CRYBG1: variants seen among roughly 807,000 people sequenced by gnomAD.
CRYBG1 encodes crystallin beta-gamma domain containing 1.
CRYBG1 carries 139 observed loss-of-function variants against 189.2 expected under a neutral mutation model. The ratio of observed to expected loss-of-function variants is 0.73; its 90% CI spans 0.64 to 0.85. The LOEUF is 0.85. Among genes scored for constraint, CRYBG1 ranks in the 40% least tolerant of loss-of-function variants. The probability of loss-of-function intolerance (pLI) is 0.00; values close to 1 mark genes in which losing one functional copy is unlikely to be tolerated. For synonymous variants in CRYBG1, 1,023 were observed against 1,017.1 expected (o/e 1.01, Z -0.11); for missense variants, 2,611 against 2,675.8 (o/e 0.98, Z 0.53).
chr6:106,417,499 G>T (rs559426634), intron 1 of CRYBG1, among the ~76,000 whole-genome samples: 3 of 152,188 alleles, frequency 2.0e-5, no homozygotes, highest in Non-Finnish European at 4.4e-5. Context: ...GATTACCACC[G>T]TAGATATAAA....
At position 106,511,750 on chromosome 6, in the gene CRYBG1, G is replaced by C. The variant is rs952332634; in HGVS notation, c.633G>C (p.Leu211=). ...CCGCAGCCCCCCCTGACGCCGAGCT[G>C]TCACCTCGCTGGAGCAGCAGTGCAG... is the stretch of plus-strand genomic sequence containing the variant. ...GGPAAPPDAE[L]SPRWSSSAAA... is the part of the protein sequence containing the mutation. Residue 211 remains leucine, a synonymous_variant, in exon 3 of 22, where the codon CTG becomes CTC. Coordinates refer to ENST00000633556, the MANE Select transcript of CRYBG1 (RefSeq NM_001371242.2). The C allele has an allele frequency of 3.3e-6, 5 of 1,535,306 alleles. No homozygotes were observed. In the South Asian group the frequency reaches 6.0e-5, roughly 18 times the overall value.
intron 1 of CRYBG1, among the ~76,000 whole-genome samples, chr6:106,428,375 A>G (rs9399997): frequency 0.012 from 1,830 of 152,146 alleles, 36 homozygotes; most frequent in African/African-American, 0.041. Flanking sequence ...AATATCTGGT[A>G]TATTTTACTT....
At chr6:106,494,241 G>A (rs1772791719) in intron 2 of CRYBG1, among the ~76,000 whole-genome samples, 1 of 152,150 alleles carries the variant, frequency 6.6e-6, no homozygotes, top group Non-Finnish European at 1.5e-5. Flanking sequence ...GTGGGCAGAG[G>A]AGAATGGGAG....
Position 106,521,437 on chromosome 6 carries a change from C to A in CRYBG1, c.4229C>A (p.Ser1410Ter), listed in dbSNP as rs1325392944. The A allele has an allele frequency of 1.9e-6, 3 of 1,580,754 alleles. No individual in the cohort carries two copies. Among genetic ancestry groups the A allele is most frequent in the Non-Finnish European group, 2.6e-6 (3 of 1,166,830 alleles). The change falls in exon 4 of 22, where the codon TCA (serine) becomes TAA (stop). Residue 1410 changes from serine to a stop codon, truncating the protein, a stop_gained. Transcript: ENST00000633556. LOFTEE classifies it high-confidence loss of function. ...YDPSISFSGMSLSDTMTLRGS... is the reference protein window; with the variant it reads ...YDPSISFSGM ...CCAAGCATTTCTTTTTCTGGAATGT[C>A]ATTATCAGACACAATGGTAAGTAGC...
intron 1 of CRYBG1, among the ~76,000 whole-genome samples, chr6:106,426,087 C>G (rs1771219940): frequency 6.6e-6 from 1 of 152,128 alleles, no homozygotes; most frequent in Admixed American, 6.5e-5. Context: ...AGCTGATGCC[C>G]TTGCTTTTTA....
intron 1 of CRYBG1, among the ~76,000 whole-genome samples, chr6:106,394,048 G>T (rs1385762751): frequency 6.6e-6 from 1 of 152,134 alleles, no homozygotes; most frequent in African/African-American, 2.4e-5. Context: ...GAATGAAAGG[G>T]TATACGGCCA....
intron 2 of CRYBG1, among the ~76,000 whole-genome samples, chr6:106,485,621 T>C (rs1476350991): frequency 6.6e-6 from 1 of 152,242 alleles, no homozygotes; most frequent in African/African-American, 2.4e-5. Context: ...TGTGGGTTTG[T>C]AATATATGGC....
intron 17 of CRYBG1, among the ~76,000 whole-genome samples, chr6:106,557,325 C>T (rs560284487): frequency 2.0e-5 from 3 of 152,240 alleles, no homozygotes; most frequent in African/African-American, 7.2e-5. Flanking sequence ...GACACATCCA[C>T]ATAAATGAAG....
chr6:106,511,715 A>C lies in CRYBG1; in HGVS notation c.598A>C (p.Ser200Arg). 1 of 1,535,076 alleles carries C rather than the reference A, an allele frequency of 6.5e-7. No individual in the cohort carries two copies. The highest frequency in any genetic ancestry group is 1.2e-5 in the South Asian group (1 of 83,990). The change falls in exon 3 of 22, where the codon AGC becomes CGC. Residue 200 changes from serine to arginine, a missense_variant. Physicochemically the swap from Ser to Arg is moderately radical, Grantham distance 110. Transcript: ENST00000633556. Reference protein sequence around the residue: ...PREAEGELPESGGPAAPPDAE... With the variant: ...PREAEGELPERGGPAAPPDAE... ...AGAGGCAGAGGGCGAGCTCCCCGAGAGCGGTGGCCCCGCAGCCCCCCCTGA... is the reference window on the plus strand; with the variant it reads ...AGAGGCAGAGGGCGAGCTCCCCGAGCGCGGTGGCCCCGCAGCCCCCCCTGA...
At chr6:106,442,139 GA>G (rs1424480911) in intron 1 of CRYBG1, among the ~76,000 whole-genome samples, 1 of 152,168 alleles carries the variant, frequency 6.6e-6, no homozygotes, top group African/African-American at 2.4e-5. Flanking sequence ...AGGTGTTTGT[GA>G]GTTCAGAAAA....
chr6:106,495,597 C>T (rs1043326849), intron 2 of CRYBG1, among the ~76,000 whole-genome samples: 6 of 151,872 alleles, frequency 4.0e-5, no homozygotes, highest in African/African-American at 1.5e-4. Flanking sequence ...GCTGAGTACC[C>T]TTGGATACTT....
rs547675761 is a variant in CRYBG1 at position 106,530,414 on chromosome 6, C to G, written c.4718+99C>G. ...GATACTCTGACTCTAATTTGTCATC[C>G]TGTTAAGTAATTATTAACTGTAAGG... On this transcript the variant is annotated intron_variant, in intron 8 of 21. Transcript: ENST00000633556. The G allele has an allele frequency of 1.9e-5, 22 of 1,177,830 alleles. No homozygotes were observed. In the African/African-American group the frequency reaches 3.4e-4, roughly 18 times the overall value. The allele number at this position is 1,177,830 out of a possible 1,614,324, so 73.0% of individuals were successfully genotyped here. A position where few individuals can be genotyped will look rare whatever the true frequency, so the allele number is the denominator to read the frequency against.
rs772967850 is a variant in CRYBG1 at position 106,519,580 on chromosome 6, C to T, written c.2372C>T (p.Thr791Ile). 6.2e-7 allele frequency: 1 copy of T among 1,614,218 alleles called. No individual in the cohort carries two copies. The highest frequency in any genetic ancestry group is 1.7e-5 in the Admixed American group (1 of 60,028). ...PNQDDKADVQ[T>I]DAGCLSEPVA... ...CAAGATGATAAAGCAGATGTACAAA[C>T]AGATGCTGGCTGCCTTTCAGAACCA... Residue 791 changes from threonine to isoleucine, a missense_variant, in exon 4 of 22, where the codon ACA becomes ATA. By Grantham distance (89) the Thr-to-Ile change is moderately conservative. This residue lies in a region of CRYBG1 where 1,622 missense variants were observed against 1,735.0 expected (regional missense o/e 0.93). Transcript: ENST00000633556.
intron 2 of CRYBG1, among the ~76,000 whole-genome samples, chr6:106,508,911 A>T (rs1057460856): frequency 1.3e-5 from 1 of 77,638 alleles, no homozygotes; most frequent in Non-Finnish European, 2.8e-5. Flanking sequence ...AAAAGCATCT[A>T]ATAGCCAAAA....
At chr6:106,563,662 G>T in intron 20 of CRYBG1, 102 bp from the exon 21 acceptor site, 2 of 1,237,400 alleles carry the variant, frequency 1.6e-6, no homozygotes, top group Non-Finnish European at 1.1e-6. Flanking sequence ...ATGAAGCTAG[G>T]AACTAAGATA....
At chr6:106,365,263 T>G (rs1295745528) in intron 1 of CRYBG1, among the ~76,000 whole-genome samples, 3 of 151,876 alleles carry the variant, frequency 2.0e-5, no homozygotes, top group Non-Finnish European at 4.4e-5. Flanking sequence ...ACCATGTATG[T>G]AAAAATACAA....
At chr6:106,378,486 T>G (rs1470289832) in intron 1 of CRYBG1, among the ~76,000 whole-genome samples, 1 of 152,204 alleles carries the variant, frequency 6.6e-6, no homozygotes, top group Non-Finnish European at 1.5e-5. Flanking sequence ...GGGATTGCTG[T>G]GCCTAGACAC....
intron 2 of CRYBG1, among the ~76,000 whole-genome samples, chr6:106,491,064 A>G (rs1772711679): frequency 6.6e-6 from 1 of 152,228 alleles, no homozygotes; most frequent in Non-Finnish European, 1.5e-5. Context: ...GGCTTGCTAT[A>G]TTTATTTCAT....
At position 106,474,732 on chromosome 6, in the gene CRYBG1, A is replaced by G. The variant is rs369206353; in HGVS notation, c.312+22900A>G. Reference sequence around the variant, plus strand: ...CTTGGATGTGCAAGCTGAGTTGTCCATGGGCAGGCGTAGGAGGTCACTTGT... The same window carrying G: ...CTTGGATGTGCAAGCTGAGTTGTCCGTGGGCAGGCGTAGGAGGTCACTTGT... On this transcript the variant is annotated intron_variant, in intron 2 of 21. Coordinates refer to ENST00000633556, the MANE Select transcript of CRYBG1 (RefSeq NM_001371242.2). Among the ~76,000 whole-genome samples, 13 of 152,290 alleles carry G rather than the reference A, an allele frequency of 8.5e-5. No individual in the cohort carries two copies. The East Asian group carries it at 2.1e-3, about 25-fold the overall frequency.
Sources: gnomAD v4.1 joint callset for allele counts (sites outside exome capture counted in the v4.1 genomes callset) on GRCh38, gnomAD v4.1.1 for gene constraint, gnomAD v4.1.1 regional missense constraint, MANE v1.5 for transcripts, NCBI Gene and HGNC (gene_info 2026-07-23, HGNC 2026-07-21) for gene names.